The following AOX1 variants were observed in gnomAD, a reference collection of about 807,000 sequenced individuals.
The protein encoded by AOX1 is aldehyde oxidase.
A neutral mutation model predicts 169.5 loss-of-function variants in AOX1; 153 were observed. That is an observed-to-expected ratio of 0.90 (90% CI 0.79 to 1.03). The LOEUF (loss-of-function observed/expected upper bound fraction) is 1.03. Among genes scored for constraint, AOX1 ranks in the 50% least tolerant of loss-of-function variants. The pLI is 0.00. For missense variants in AOX1, 1,656 were observed against 1,663.9 expected (o/e 1.00, Z 0.08); for synonymous variants, 562 against 581.9 (o/e 0.97, Z 0.49).
At chr2:200,619,679 AC>A (rs1181393483) in intron 16 of AOX1, among the ~76,000 whole-genome samples, 38 of 152,374 alleles carry the variant, frequency 2.5e-4, no homozygotes, top group Admixed American at 3.9e-4. Flanking sequence ...TAAGGTATTT[AC>A]AGAGCCAACA....
chr2:200,605,067 A>G (rs937216717), intron 9 of AOX1, among the ~76,000 whole-genome samples: 7 of 152,180 alleles, frequency 4.6e-5, no homozygotes, highest in Admixed American at 4.6e-4. Context: ...CAAGAGTTGT[A>G]CCGAAGGGGC....
intron 24 of AOX1, among the ~76,000 whole-genome samples, chr2:200,641,385 C>T (rs901002080): frequency 6.6e-6 from 1 of 152,074 alleles, no homozygotes. Flanking sequence ...TGTGTTACCC[C>T]CCGGCTTCCC....
chr2:200,653,796 G>A (rs1349396009), intron 26 of AOX1, among the ~76,000 whole-genome samples: 2 of 152,198 alleles, frequency 1.3e-5, no homozygotes, highest in Non-Finnish European at 2.9e-5. Flanking sequence ...TTTTCCAACA[G>A]TATGTGCTCA....
downstream of AOX1, among the ~76,000 whole-genome samples, chr2:200,671,862 T>C (rs1039456776): frequency 1.2e-4 from 19 of 152,160 alleles, no homozygotes; most frequent in African/African-American, 4.1e-4. Flanking sequence ...AATGTATACA[T>C]AACTGTTCAT....
chr2:200,621,388 T>C, intron 18 of AOX1, 142 bp downstream of exon 18: 2 of 754,696 alleles, frequency 2.7e-6, no homozygotes, highest in Non-Finnish European at 4.1e-6. Context: ...TATATTCTAA[T>C]ATTGAATGAA....
At chr2:200,640,381 A>G (rs2035330592) in intron 23 of AOX1, among the ~76,000 whole-genome samples, 1 of 152,060 alleles carries the variant, frequency 6.6e-6, no homozygotes, top group Admixed American at 6.6e-5. Context: ...GGGAGGAGAG[A>G]GGATGGAAGC....
chr2:200,587,585 CTT>C (rs1559226948), intron 1 of AOX1, among the ~76,000 whole-genome samples: 1 of 152,160 alleles, frequency 6.6e-6, no homozygotes, highest in Non-Finnish European at 1.5e-5. Context: ...CCCTCAAAAA[CTT>C]TGTCTGCCCC....
At chr2:200,659,360 G>A (rs1326170720) in intron 28 of AOX1, 67 bp downstream of exon 28, 8 of 1,538,814 alleles carry the variant, frequency 5.2e-6, no homozygotes, top group Non-Finnish European at 7.1e-6. Flanking sequence ...GGTGGGTGGA[G>A]CTCCAAAGAT....
At chr2:200,669,965 A>G (rs979151806) in intron 34 of AOX1, among the ~76,000 whole-genome samples, 1 of 151,916 alleles carries the variant, frequency 6.6e-6, no homozygotes, top group Non-Finnish European at 1.5e-5. Context: ...TCCATTCTAT[A>G]CTATTTGACA....
At chr2:200,673,763 C>T (rs577181512), downstream of AOX1, among the ~76,000 whole-genome samples, 130 of 152,340 alleles carry the variant, frequency 8.5e-4, no homozygotes, top group Non-Finnish European at 1.6e-3. Context: ...ATGGCATCTG[C>T]AGCCTAGGTT....
chr2:200,597,432 G>A lies in AOX1; in HGVS notation c.236G>A (p.Cys79Tyr), dbSNP rs1343084926. ...HPANACLIPICSLYGAAVTTV... is the reference protein window; with the variant it reads ...HPANACLIPIYSLYGAAVTTV... ...GCCAATGCCTGTCTGATTCCCATCT[G>A]TTCTCTGTATGGTGCTGCCGTCACC... The change falls in exon 4 of 35, where the codon TGT becomes TAT. Residue 79 changes from cysteine to tyrosine, a missense_variant. By Grantham distance (194) the Cys-to-Tyr change is radical. Transcript: ENST00000374700. 6.2e-7 allele frequency: 1 copy of A among 1,610,880 alleles called. No homozygotes were observed. The highest frequency in any genetic ancestry group is 8.5e-7 in the Non-Finnish European group (1 of 1,178,584).
Position 200,640,036 on chromosome 2 carries a change from C to CAA in AOX1, c.2569-1045_2569-1044dup, listed in dbSNP as rs547926062. On this transcript the variant is annotated intron_variant, in intron 23 of 34. Coordinates refer to ENST00000374700, the MANE Select transcript of AOX1 (RefSeq NM_001159.4). ...CGGGTGACAGAGCGAGACTCCATCT[C>CAA]AAAAAAAAAAAAAAAAAAGAATGGA... 3.2e-3 allele frequency among the ~76,000 whole-genome samples: 217 copies of CAA among 67,728 alleles called. 2 individuals carry two copies. Among genetic ancestry groups the CAA allele is most frequent in the African/African-American group, 0.011 (205 of 18,686 alleles). 44.4% of individuals were successfully genotyped at this position (67,728 alleles called of 152,430 possible). A position where few individuals can be genotyped will look rare whatever the true frequency, so the allele number is the denominator to read the frequency against.
chr2:200,642,753 A>G lies in AOX1; in HGVS notation c.2799A>G (p.Glu933=), dbSNP rs763094778. ...TTCCTCAGGCAGCGCTGATCACCGAATCTTGTATCACGGAAGTTGCAGCCA... is the reference window on the plus strand; with the variant it reads ...TTCCTCAGGCAGCGCTGATCACCGAGTCTTGTATCACGGAAGTTGCAGCCA... ...FGFPQAALIT[E]SCITEVAAKC... Residue 933 remains glutamate (E), a synonymous_variant, in exon 25 of 35, where the codon GAA becomes GAG. Transcript: ENST00000374700. The G allele has an allele frequency of 2.7e-5, 44 of 1,613,814 alleles. No homozygotes were observed. The highest frequency in any genetic ancestry group is 4.5e-5 in the East Asian group (2 of 44,886).
chr2:200,603,877 A>C, intron 7 of AOX1, 140 bp from the exon 8 acceptor site: 21 of 599,540 alleles, frequency 3.5e-5, no homozygotes, highest in East Asian at 6.0e-5. Flanking sequence ...CTTGGTTTGG[A>C]GCGCGGGGAT....
At chr2:200,597,790 A>G (rs2034317668) in intron 4 of AOX1, among the ~76,000 whole-genome samples, 1 of 152,194 alleles carries the variant, frequency 6.6e-6, no homozygotes, top group Non-Finnish European at 1.5e-5. Context: ...GATGGGACCT[A>G]TCTATTTGAC....
intron 16 of AOX1, among the ~76,000 whole-genome samples, chr2:200,620,037 A>C (rs2105721011): frequency 6.6e-6 from 1 of 152,312 alleles, no homozygotes; most frequent in East Asian, 1.9e-4. Context: ...TCAAGAAGAA[A>C]GATTTAAATT....
intron 24 of AOX1, among the ~76,000 whole-genome samples, chr2:200,642,149 C>T (rs1303331575): frequency 6.6e-6 from 1 of 151,998 alleles, no homozygotes; most frequent in African/African-American, 2.4e-5. Flanking sequence ...GAGTTTCAAC[C>T]AAAATGTTAA....
chr2:200,626,961 T>C (rs1444445734), intron 19 of AOX1, among the ~76,000 whole-genome samples: 1 of 152,084 alleles, frequency 6.6e-6, no homozygotes, highest in African/African-American at 2.4e-5. Flanking sequence ...AGCTGGTAAG[T>C]GGGAAAAATG....
chr2:200,662,202 C>A (rs548866925), intron 30 of AOX1, among the ~76,000 whole-genome samples: 1 of 152,114 alleles, frequency 6.6e-6, no homozygotes, highest in Admixed American at 6.5e-5. Context: ...GCCATTGGTG[C>A]GGGACCTGGG....
Sources: allele counts gnomAD v4.1 joint callset (sites outside exome capture counted in the v4.1 genomes callset), GRCh38; gene constraint gnomAD v4.1.1; transcripts MANE v1.5; gene names NCBI Gene and HGNC (gene_info 2026-07-23, HGNC 2026-07-21).